Variants in EHHADH observed in about 807,000 individuals in gnomAD.
The protein encoded by EHHADH is peroxisomal bifunctional enzyme.
Under a neutral mutation model 64.4 loss-of-function variants are expected in EHHADH, and 48 were observed. The observed-to-expected ratio is 0.75, with a 90% confidence interval of 0.59 to 0.95. The LOEUF is 0.95. Ranked by LOEUF, EHHADH falls within the 40% of genes least tolerant of loss-of-function variation. The pLI, the probability that EHHADH is intolerant of heterozygous loss-of-function variation, is 0.00. For missense variants in EHHADH, 854 were observed against 876.6 expected (o/e 0.97, Z 0.33); for synonymous variants, 308 against 326.7 (o/e 0.94, Z 0.62).
intron 5 of EHHADH, among the ~76,000 whole-genome samples, chr3:185,213,331 T>C (rs919444641): frequency 3.9e-5 from 6 of 152,046 alleles, no homozygotes; most frequent in Non-Finnish European, 8.8e-5. Context: ...CCAGATTTAA[T>C]GAATCAGAAA....
rs145913770 is a variant in EHHADH at position 185,232,404 on chromosome 3, C to T, written c.352-2861G>A. On this transcript the variant is annotated intron_variant, in intron 3 of 6. Coordinates refer to ENST00000231887, the MANE Select transcript of EHHADH (RefSeq NM_001966.4). ...CCATTGGGAAATGGTTAAATAAATT[C>T]TGGTATAGCCATATGATTGAATATT... 5.3e-3 allele frequency among the ~76,000 whole-genome samples: 806 copies of T among 152,252 alleles called. 10 individuals are homozygous for T. The highest frequency in any genetic ancestry group is 0.019 in the African/African-American group (775 of 41,550).
At chr3:185,195,321 C>A (rs1718029388) in intron 6 of EHHADH, among the ~76,000 whole-genome samples, 1 of 152,118 alleles carries the variant, frequency 6.6e-6, no homozygotes, top group South Asian at 2.1e-4. Flanking sequence ...TTCAAACCCA[C>A]TAGGATTGCA....
At chr3:185,233,208 C>CCCCT (rs1462251065) in intron 3 of EHHADH, among the ~76,000 whole-genome samples, 10 of 152,170 alleles carry the variant, frequency 6.6e-5, no homozygotes, top group Admixed American at 2.0e-4. Context: ...ACAATAATAG[C>CCCCT]ATAAAGGGGC....
At chr3:185,210,105 G>T (rs952725750) in intron 5 of EHHADH, among the ~76,000 whole-genome samples, 9 of 152,174 alleles carry the variant, frequency 5.9e-5, no homozygotes, top group African/African-American at 2.2e-4. Context: ...GAGGAGGAAG[G>T]CAGGCTGGGC....
intron 6 of EHHADH, among the ~76,000 whole-genome samples, chr3:185,202,954 A>G (rs1718271800): frequency 6.8e-6 from 1 of 147,624 alleles, no homozygotes. Flanking sequence ...TCATAATGAT[A>G]CAGGGTAGAT....
chr3:185,223,544 C>T (rs1206287836), intron 4 of EHHADH, among the ~76,000 whole-genome samples: 2 of 151,904 alleles, frequency 1.3e-5, no homozygotes, highest in African/African-American at 2.4e-5. Context: ...ACAATATTTG[C>T]TGATATTAAT....
At chr3:185,208,618 T>G (rs1217546955) in intron 5 of EHHADH, among the ~76,000 whole-genome samples, 1 of 152,178 alleles carries the variant, frequency 6.6e-6, no homozygotes, top group Non-Finnish European at 1.5e-5. Flanking sequence ...GTTTAGTTGT[T>G]TCTTAAAAAG....
chr3:185,196,515 C>T (rs1279758446), intron 6 of EHHADH, among the ~76,000 whole-genome samples: 1 of 152,098 alleles, frequency 6.6e-6, no homozygotes, highest in African/African-American at 2.4e-5. Flanking sequence ...TGGTGCACAC[C>T]TGTAATCCCA....
chr3:185,252,131 G>A (rs1180073930), intron 1 of EHHADH, among the ~76,000 whole-genome samples: 1 of 152,168 alleles, frequency 6.6e-6, no homozygotes, highest in Non-Finnish European at 1.5e-5. Flanking sequence ...GGCTGGGCAC[G>A]TGGCTCATGC....
Position 185,248,465 on chromosome 3 carries a change from G to C in EHHADH, c.127C>G (p.His43Asp). 1 of 1,614,014 alleles carries C rather than the reference G, an allele frequency of 6.2e-7. No homozygotes were observed. Among genetic ancestry groups the C allele is most frequent in the Middle Eastern group, 1.6e-4 (1 of 6,062 alleles). ...CAAATCACAATGGCTTTTATTGTAT[G>C]GTCTATTACAGCTTTCTGTAGTCCT... ...KEGLQKAVID[H>D]TIKAIVICGA... is the part of the protein sequence containing the mutation. The change falls in exon 2 of 7, where the codon CAT (histidine) becomes GAT (aspartate). Residue 43 changes from histidine to aspartate, a missense_variant. By Grantham distance (81) the His-to-Asp change is moderately conservative. Transcript: ENST00000231887.
chr3:185,215,969 T>C (rs1577362562), intron 5 of EHHADH, among the ~76,000 whole-genome samples: 2 of 152,302 alleles, frequency 1.3e-5, no homozygotes, highest in Admixed American at 1.3e-4. Flanking sequence ...TTCATGATTA[T>C]AATTTAAAAT....
chr3:185,220,463 A>G (rs906228266), intron 4 of EHHADH, among the ~76,000 whole-genome samples: 3 of 152,214 alleles, frequency 2.0e-5, no homozygotes, highest in Non-Finnish European at 2.9e-5. Context: ...TAGCCTAGGA[A>G]CAAGAGGCCA....
intron 6 of EHHADH, among the ~76,000 whole-genome samples, chr3:185,194,882 A>G (rs948841477): frequency 4.0e-5 from 6 of 149,632 alleles, no homozygotes; most frequent in Non-Finnish European, 5.9e-5. Context: ...AAAAGGATAG[A>G]CATATAGATT....
In EHHADH at chr3:185,192,549, C is replaced by T; in HGVS notation, c.1849G>A (p.Asp617Asn). The T allele has an allele frequency of 6.2e-7, 1 of 1,614,222 alleles. No individual in the cohort carries two copies. Among genetic ancestry groups the T allele is most frequent in the Non-Finnish European group, 8.5e-7 (1 of 1,180,044 alleles). The change falls in exon 7 of 7, where the codon GAT (aspartate) becomes AAT (asparagine). Residue 617 changes from aspartate (D) to asparagine (N), a missense_variant. Coordinates refer to ENST00000231887, the MANE Select transcript of EHHADH (RefSeq NM_001966.4). Reference protein sequence around the residue: ...HHIEPRTISQDEILERCLYSL... With the variant: ...HHIEPRTISQNEILERCLYSL... ...TATAAGCAGCGTTCAAGGATCTCATCCTGGCTAATGGTACGTGGTTCAATG... is the reference window on the plus strand; with the variant it reads ...TATAAGCAGCGTTCAAGGATCTCATTCTGGCTAATGGTACGTGGTTCAATG...
intron 1 of EHHADH, among the ~76,000 whole-genome samples, chr3:185,252,292 C>T (rs1374956010): frequency 2.0e-5 from 3 of 151,958 alleles, no homozygotes; most frequent in African/African-American, 2.4e-5. Context: ...CCCAGCTACT[C>T]GGGAGGCTGA....
chr3:185,193,558 T>C (rs1474969287), intron 6 of EHHADH, 71 bp from the exon 7 acceptor site: 53 of 1,530,730 alleles, frequency 3.5e-5, no homozygotes, highest in Non-Finnish European at 3.5e-5. Flanking sequence ...ATTCACTGGA[T>C]GGAAGGCTTA....
intron 2 of EHHADH, chr3:185,245,835 G>C: frequency 1.2e-6 from 1 of 832,102 alleles, no homozygotes; most frequent in East Asian, 2.4e-5. Flanking sequence ...TGTGGAGGTT[G>C]CATAACGAAT....
intron 4 of EHHADH, among the ~76,000 whole-genome samples, chr3:185,224,477 G>T (rs1718919381): frequency 7.0e-6 from 1 of 143,556 alleles, no homozygotes; most frequent in African/African-American, 2.6e-5. Flanking sequence ...CTCCAGTCTG[G>T]GAGACAGAAT....
At chr3:185,196,788 G>A (rs1382776110) in intron 6 of EHHADH, among the ~76,000 whole-genome samples, 1 of 152,174 alleles carries the variant, frequency 6.6e-6, no homozygotes, top group African/African-American at 2.4e-5. Context: ...GATCATTTGA[G>A]CTCAGGAGTT....
Sources: gnomAD v4.1 joint callset for allele counts (sites outside exome capture counted in the v4.1 genomes callset) on GRCh38, gnomAD v4.1.1 for gene constraint, MANE v1.5 for transcripts, NCBI Gene and HGNC (gene_info 2026-07-23, HGNC 2026-07-21) for gene names.